CABP7: variants seen among roughly 807,000 people sequenced by gnomAD.
CABP7 encodes the protein calcium binding protein 7.
Under a neutral mutation model 23.1 loss-of-function variants are expected in CABP7, and 13 were observed. The observed-to-expected ratio is 0.56, with a 90% CI of 0.37 to 0.90. CABP7 has a LOEUF of 0.90. Among genes scored for constraint, CABP7 ranks in the 40% least tolerant of loss-of-function variants. CABP7 has a pLI of 0.01. For missense variants in CABP7, 248 were observed against 295.6 expected, an observed-to-expected ratio of 0.84 and a Z score of 1.18; for synonymous variants, 123 against 115.3, an observed-to-expected ratio of 1.07 and a Z score of -0.43.
chr22:29,729,139 G>A lies in CABP7; in HGVS notation c.451G>A (p.Glu151Lys). ...CGAGCACCTGTCCATGAAGGACATAGAGAACATCATCATGACGGAGGAGGA... is the reference window on the plus strand; with the variant it reads ...CGAGCACCTGTCCATGAAGGACATAAAGAACATCATCATGACGGAGGAGGA... ...FCEHLSMKDI[E>K]NIIMTEEESH... is the part of the protein sequence containing the mutation. The change falls in exon 4 of 5, where the codon GAG (glutamate) becomes AAG (lysine). Residue 151 changes from glutamate (E) to lysine (K), a missense_variant. By Grantham distance (56) the Glu-to-Lys change is moderately conservative. Coordinates refer to ENST00000216144, the MANE Select transcript of CABP7 (RefSeq NM_182527.3). 1 of 1,611,676 alleles carries A rather than the reference G, an allele frequency of 6.2e-7. No individual in the cohort carries two copies. The highest frequency in any genetic ancestry group is 8.5e-7 in the Non-Finnish European group (1 of 1,179,968).
chr22:29,729,365 G>A lies in CABP7; in HGVS notation c.521-77G>A, dbSNP rs149576691. On this transcript the variant is annotated intron_variant, in intron 4 of 4. Coordinates refer to ENST00000216144, the MANE Select transcript of CABP7 (RefSeq NM_182527.3). ...ACCCCATGGGATGAGCCCATGTGCC[G>A]AAGGGCAGGCGGCTCCTGACTCCAT... 582 of 1,586,096 alleles carry A rather than the reference G, an allele frequency of 3.7e-4. 9 individuals carry two copies. In the East Asian group the frequency reaches 0.012, roughly 33 times the overall value.
chr22:29,729,354 G>A lies in CABP7; in HGVS notation c.521-88G>A, dbSNP rs1774064706. The A allele has an allele frequency of 5.1e-6, 8 of 1,580,622 alleles. No homozygotes were observed. The South Asian group carries it at 9.3e-5, about 18-fold the overall frequency. ...CCCATTGGGGCACCCCATGGGATGA[G>A]CCCATGTGCCGAAGGGCAGGCGGCT... On this transcript the variant is annotated intron_variant, in intron 4 of 4. Transcript: ENST00000216144.
At chr22:29,723,087 C>T (rs2067772670) in intron 1 of CABP7, among the ~76,000 whole-genome samples, 1 of 152,190 alleles carries the variant, frequency 6.6e-6, no homozygotes, top group Non-Finnish European at 1.5e-5. Context: ...AAGTACCTAC[C>T]TAGCACAGGG....
Position 29,727,245 on chromosome 22 carries a change from G to A in CABP7, c.110-417G>A, listed in dbSNP as rs998420511. 1.3e-5 allele frequency among the ~76,000 whole-genome samples: 2 copies of A among 148,700 alleles called. No individual in the cohort carries two copies. Among genetic ancestry groups the A allele is most frequent in the African/African-American group, 2.5e-5 (1 of 40,754 alleles). The stretch of plus-strand genomic sequence containing the variant: ...AGGATCCGAGCCTGGGGGAGGAGGC[G>A]CAGCGGGATGGAGATGGTGGGGGAG... On this transcript the variant is annotated intron_variant, in intron 1 of 4. Coordinates refer to ENST00000216144, the MANE Select transcript of CABP7 (RefSeq NM_182527.3). This position sits in a 1 kb window ranked among gnomAD's most constrained non-coding sequence, Gnocchi z 4.2.
chr22:29,725,252 C>T (rs575223446), intron 1 of CABP7, among the ~76,000 whole-genome samples: 8 of 152,256 alleles, frequency 5.3e-5, no homozygotes, highest in Non-Finnish European at 1.0e-4. Context: ...AAGCAGCCTC[C>T]TCAGCCTCCC....
In CABP7 at chr22:29,730,625, G is replaced by A. The variant is rs930869241; in HGVS notation, c.*1056G>A. The A allele has an allele frequency of 5.2e-5, 8 of 152,402 alleles. No individual in the cohort carries two copies. Among genetic ancestry groups the A allele is most frequent in the Non-Finnish European group, 1.2e-4 (8 of 68,152 alleles). The allele number at this position is 152,402 out of a possible 1,614,324, so 9.4% of individuals were successfully genotyped here. A position where few individuals can be genotyped will look rare whatever the true frequency, so the allele number is the denominator to read the frequency against. On this transcript the variant is annotated 3_prime_UTR_variant, in exon 5 of 5. Coordinates refer to ENST00000216144, the MANE Select transcript of CABP7 (RefSeq NM_182527.3). ...CTACGCCCTCAAGGTTGGAGACCCC[G>A]CTCCCATGCCCCAGCTGTGCCATCC...
At position 29,720,136 on chromosome 22, in the gene CABP7, G is replaced by T. The variant is rs1725694839; in HGVS notation, c.-289G>T. On this transcript the variant is annotated 5_prime_UTR_variant, in exon 1 of 5. Transcript: ENST00000216144. The surrounding 1 kb of genome is among the most constrained non-coding windows in gnomAD (Gnocchi z 5.2). ...CGGGGCACCGAGGAGCGGGCGCGGC[G>T]GGCACCGCGCGAGGCAGCCGGAGCT... 1 of 147,366 alleles carries T rather than the reference G, an allele frequency of 6.8e-6. No individual in the cohort carries two copies. Among genetic ancestry groups the T allele is most frequent in the South Asian group, 2.1e-4 (1 of 4,844 alleles). 9.1% of individuals were successfully genotyped at this position (147,366 alleles called of 1,614,324 possible).
intron 1 of CABP7, among the ~76,000 whole-genome samples, chr22:29,726,470 G>C (rs549520472): frequency 6.6e-6 from 1 of 152,328 alleles, no homozygotes; most frequent in South Asian, 2.1e-4. Flanking sequence ...CTTAAGGCAA[G>C]GCCTGGGCCA....
rs567786673 is a variant in CABP7 at position 29,729,891 on chromosome 22, A to T, written c.*322A>T. ...AGGGATTTGCACAGGAACCCCCAGGACCCAGTCGCTGCTGTGGTCCCTTGG... is the reference window on the plus strand; with the variant it reads ...AGGGATTTGCACAGGAACCCCCAGGTCCCAGTCGCTGCTGTGGTCCCTTGG... On this transcript the variant is annotated 3_prime_UTR_variant, in exon 5 of 5. Coordinates refer to ENST00000216144, the MANE Select transcript of CABP7 (RefSeq NM_182527.3). The T allele has an allele frequency of 6.2e-5, 21 of 338,788 alleles. 2 individuals carry two copies. The South Asian group carries it at 8.3e-4, about 13-fold the overall frequency. The allele number at this position is 338,788 out of a possible 1,614,324, so 21.0% of individuals were successfully genotyped here.
intron 1 of CABP7, among the ~76,000 whole-genome samples, chr22:29,724,988 T>C (rs1202573317): frequency 6.6e-6 from 1 of 152,134 alleles, no homozygotes; most frequent in Non-Finnish European, 1.5e-5. Context: ...GGAGCTCAGC[T>C]CACAGCAGGC....
intron 3 of CABP7, 108 bp downstream of exon 3, chr22:29,728,850 C>T (rs1195758079): frequency 3.0e-6 from 3 of 1,003,384 alleles, no homozygotes; most frequent in Non-Finnish European, 4.6e-6. Context: ...CCACTTCAGG[C>T]TTGTGTCCAC....
In CABP7 at chr22:29,720,482, A is replaced by C. The variant is rs1309209539; in HGVS notation, c.58A>C (p.Asn20His). ...GTACCGGGGCATCTACACCGTGCCC[A>C]ACCTGCTGTCGGAGCAGCGCCCGGT... ...LMYRGIYTVPNLLSEQRPVDI... is the reference protein window; with the variant it reads ...LMYRGIYTVPHLLSEQRPVDI... Residue 20 changes from asparagine to histidine, a missense_variant, in exon 1 of 5, where the codon AAC becomes CAC. Coordinates refer to ENST00000216144, the MANE Select transcript of CABP7 (RefSeq NM_182527.3). This position sits in a 1 kb window ranked among gnomAD's most constrained non-coding sequence, Gnocchi z 5.2. 5 of 1,563,112 alleles carry C rather than the reference A, an allele frequency of 3.2e-6. No homozygotes were observed. The East Asian group carries it at 1.3e-4, about 40-fold the overall frequency.
chr22:29,731,561 T>G lies in CABP7; in HGVS notation c.*1992T>G, dbSNP rs572692608. 67 of 562,048 alleles carry G rather than the reference T, an allele frequency of 1.2e-4. 1 individual carries two copies. In the East Asian group the frequency reaches 2.0e-3, roughly 17 times the overall value. 34.8% of individuals were successfully genotyped at this position (562,048 alleles called of 1,614,324 possible). A position where few individuals can be genotyped will look rare whatever the true frequency, so the allele number is the denominator to read the frequency against. On this transcript the variant is annotated 3_prime_UTR_variant, in exon 5 of 5. Coordinates refer to ENST00000216144, the MANE Select transcript of CABP7 (RefSeq NM_182527.3). ...ACTGAGCCCAAGGAAATAGCGGGGTTGCAGGCAGACATTGAGCTGCGAGAC... is the reference window on the plus strand; with the variant it reads ...ACTGAGCCCAAGGAAATAGCGGGGTGGCAGGCAGACATTGAGCTGCGAGAC...
intron 1 of CABP7, among the ~76,000 whole-genome samples, chr22:29,726,824 G>A (rs536913755): frequency 5.1e-4 from 78 of 152,288 alleles, no homozygotes; most frequent in Non-Finnish European, 1.0e-3. Flanking sequence ...TAAAAACAGA[G>A]AAACAGAAGA....
intron 1 of CABP7, among the ~76,000 whole-genome samples, chr22:29,726,564 G>A (rs908583915): frequency 6.6e-6 from 1 of 152,250 alleles, no homozygotes; most frequent in Non-Finnish European, 1.5e-5. Flanking sequence ...TCTGCAGCAC[G>A]GAGCACCTCG....
chr22:29,720,870 C>G lies in CABP7; in HGVS notation c.109+337C>G, dbSNP rs1303048098. Among the ~76,000 whole-genome samples the G allele has an allele frequency of 6.6e-6, 1 of 151,536 alleles. No homozygotes were observed. Among genetic ancestry groups the G allele is most frequent in the Non-Finnish European group, 1.5e-5 (1 of 67,818 alleles). ...GACTGGGGCGGGGGTCCGCGCTGAG[C>G]CCCCAGCGCCGGCCCGGCCGGAGCA... is the stretch of plus-strand genomic sequence containing the variant. On this transcript the variant is annotated intron_variant, in intron 1 of 4. Coordinates refer to ENST00000216144, the MANE Select transcript of CABP7 (RefSeq NM_182527.3). The surrounding 1 kb of genome is among the most constrained non-coding windows in gnomAD (Gnocchi z 5.2).
At position 29,720,672 on chromosome 22, in the gene CABP7, CT is replaced by C; in HGVS notation, c.109+140del. On this transcript the variant is annotated intron_variant, in intron 1 of 4. Transcript: ENST00000216144. This position sits in a 1 kb window ranked among gnomAD's most constrained non-coding sequence, Gnocchi z 5.2. ...GCCAGGTGGGCGCCCCAGCTAGCAG[CT>C]GTGCCCCGCGGCAAGACCTGTCCGC... 2 of 470,954 alleles carry C rather than the reference CT, an allele frequency of 4.2e-6. No homozygotes were observed. The highest frequency in any genetic ancestry group is 3.7e-6 in the Non-Finnish European group (1 of 273,480). The allele number at this position is 470,954 out of a possible 1,614,324, so 29.2% of individuals were successfully genotyped here.
intron 1 of CABP7, among the ~76,000 whole-genome samples, chr22:29,723,770 G>A (rs556670110): frequency 2.0e-5 from 3 of 152,368 alleles, no homozygotes; most frequent in South Asian, 2.1e-4. Context: ...GGTGGGGCAC[G>A]GGGCCAGTGC....
At chr22:29,722,238 G>A (rs2067766843) in intron 1 of CABP7, among the ~76,000 whole-genome samples, 1 of 152,224 alleles carries the variant, frequency 6.6e-6, no homozygotes, top group Non-Finnish European at 1.5e-5. Context: ...GTCCTGGAGT[G>A]CACTCCCTGA....
Sources: gnomAD v4.1 joint callset for allele counts (sites outside exome capture counted in the v4.1 genomes callset) on GRCh38, gnomAD v4.1.1 for gene constraint, Gnocchi (gnomAD v3.1) non-coding constraint, MANE v1.5 for transcripts, NCBI Gene and HGNC (gene_info 2026-07-23, HGNC 2026-07-21) for gene names.